The following EYS variants were observed in gnomAD, a reference collection of about 807,000 sequenced individuals.
EYS encodes EGF-like photoreceptor maintenance factor.
Under a neutral mutation model 282.1 loss-of-function variants are expected in EYS, and 250 were observed. The ratio of observed to expected loss-of-function variants is 0.89; its 90% CI spans 0.80 to 0.98. EYS has a LOEUF of 0.98. Among genes scored for constraint, EYS ranks in the 50% least tolerant of loss-of-function variants. The probability of loss-of-function intolerance (pLI) is 0.00; values close to 1 mark genes in which losing one functional copy is unlikely to be tolerated. For synonymous variants in EYS, 1,355 were observed against 1,282.9 expected (o/e 1.06, Z -1.20); for missense variants, 4,016 against 3,709.0 (o/e 1.08, Z -2.15).
chr6:65,610,885 G>A (rs1314393839), intron 2 of EYS, among the ~76,000 whole-genome samples: 5 of 151,950 alleles, frequency 3.3e-5, no homozygotes, highest in African/African-American at 4.8e-5. Flanking sequence ...AGTAGTCATA[G>A]GACTCAATAA....
intron 22 of EYS, among the ~76,000 whole-genome samples, chr6:64,729,715 CT>C (rs1309797628): frequency 5.9e-5 from 9 of 151,908 alleles, no homozygotes; most frequent in Non-Finnish European, 1.3e-4. Flanking sequence ...ACCGCAATAA[CT>C]TTTGCACCAA....
chr6:65,275,049 G>A (rs1283721808), intron 12 of EYS, among the ~76,000 whole-genome samples: 1 of 152,162 alleles, frequency 6.6e-6, no homozygotes, highest in African/African-American at 2.4e-5. Flanking sequence ...TAATAAGGGA[G>A]GGTTTTAGGG....
At chr6:64,553,558 C>A (rs945642360) in intron 26 of EYS, among the ~76,000 whole-genome samples, 3 of 131,950 alleles carry the variant, frequency 2.3e-5, no homozygotes, top group Non-Finnish European at 4.8e-5. Flanking sequence ...CCCCCCCCCC[C>A]ATAGGCAGTT....
intron 29 of EYS, among the ~76,000 whole-genome samples, chr6:64,324,166 A>G (rs1770322137): frequency 6.6e-6 from 1 of 152,160 alleles, no homozygotes. Context: ...AAAATCTGGC[A>G]AAGACACGAC....
intron 30 of EYS, among the ~76,000 whole-genome samples, chr6:64,299,565 G>T (rs900083711): frequency 9.8e-5 from 15 of 152,310 alleles, no homozygotes; most frequent in South Asian, 2.1e-4. Flanking sequence ...TAAGTCATTG[G>T]TGCCTGCTTG....
intron 35 of EYS, among the ~76,000 whole-genome samples, chr6:63,884,741 A>T (rs1459773695): frequency 6.6e-6 from 1 of 152,204 alleles, no homozygotes; most frequent in East Asian, 1.9e-4. Flanking sequence ...ATATTTTTAC[A>T]TTGAAGTTAT....
intron 40 of EYS, among the ~76,000 whole-genome samples, chr6:63,767,377 G>C (rs1349391169): frequency 1.3e-5 from 2 of 152,050 alleles, no homozygotes; most frequent in Non-Finnish European, 2.9e-5. Flanking sequence ...AATAACTTCA[G>C]TAAAATTTCA....
At chr6:64,813,073 T>C (rs1270025368) in intron 22 of EYS, among the ~76,000 whole-genome samples, 2 of 151,656 alleles carry the variant, frequency 1.3e-5, no homozygotes, top group African/African-American at 4.8e-5. Context: ...TCATTTGGTA[T>C]AAAATATTTG....
chr6:64,701,268 C>A lies in EYS; in HGVS notation c.3444-75023G>T, dbSNP rs138673998. Among the ~76,000 whole-genome samples, 345 of 152,102 alleles carry A rather than the reference C, an allele frequency of 2.3e-3. 6 individuals carry two copies. The East Asian group carries it at 0.026, about 11-fold the overall frequency. On this transcript the variant is annotated intron_variant, in intron 22 of 42. Coordinates refer to ENST00000503581, the MANE Select transcript of EYS (RefSeq NM_001142800.2). ...TGTAAGACTTGAAGCCATAAAAATA[C>A]TAAAAGAAAACTTAAAAGAAATCTT...
intron 28 of EYS, among the ~76,000 whole-genome samples, chr6:64,398,650 GTCTATGATGTATGCACCTTTTT>G (rs1248005582): frequency 6.6e-6 from 1 of 151,788 alleles, no homozygotes; most frequent in Non-Finnish European, 1.5e-5. Flanking sequence ...GTGAAATCAT[GTCTATGATGTATGCACCTTTTT>G]TCTTCTTGAG....
chr6:65,474,041 G>A (rs1190153597), intron 5 of EYS, among the ~76,000 whole-genome samples: 2 of 151,950 alleles, frequency 1.3e-5, no homozygotes, highest in Non-Finnish European at 2.9e-5. Flanking sequence ...AAATACCGAT[G>A]ACAAGTTTTG....
chr6:63,905,890 G>A (rs1457555502), intron 35 of EYS, among the ~76,000 whole-genome samples: 2 of 152,010 alleles, frequency 1.3e-5, no homozygotes, highest in Admixed American at 1.3e-4. Flanking sequence ...TTCTTGTCTG[G>A]GTCAGCATCC....
At chr6:64,918,162 G>A (rs941907468) in intron 15 of EYS, among the ~76,000 whole-genome samples, 4 of 151,974 alleles carry the variant, frequency 2.6e-5, no homozygotes. Context: ...GGAAATAAAT[G>A]TGGAAAATCA....
At chr6:65,182,432 T>C (rs1455383667) in intron 12 of EYS, among the ~76,000 whole-genome samples, 1 of 151,636 alleles carries the variant, frequency 6.6e-6, no homozygotes, top group African/African-American at 2.4e-5. Flanking sequence ...ATAGTATATT[T>C]TTCTTAATGG....
rs796838860 is a variant in EYS at position 65,364,026 on chromosome 6, C to T, written c.1300-10409G>A. On this transcript the variant is annotated intron_variant, in intron 8 of 42. Transcript: ENST00000503581. ...ATAATTAATTTTTTCACCTGGTATT[C>T]CAAGTACTTCTTTGGTATTTTTTCA... Among the ~76,000 whole-genome samples the T allele has an allele frequency of 6.0e-5, 9 of 150,638 alleles. No individual in the cohort carries two copies. In the Admixed American group the frequency reaches 6.0e-4, roughly 10 times the overall value.
chr6:65,395,868 C>T (rs1416464398), intron 7 of EYS, among the ~76,000 whole-genome samples: 4 of 152,086 alleles, frequency 2.6e-5, no homozygotes, highest in African/African-American at 7.2e-5. Context: ...TTTCTCTCAA[C>T]CCCAATTGCC....
chr6:65,402,029 C>T (rs573613775), intron 7 of EYS, among the ~76,000 whole-genome samples: 10 of 151,890 alleles, frequency 6.6e-5, no homozygotes, highest in African/African-American at 2.4e-4. Context: ...AGAATGAATT[C>T]CTAAAAGTCT....
intron 26 of EYS, among the ~76,000 whole-genome samples, chr6:64,460,802 C>T (rs997038759): frequency 3.0e-4 from 46 of 152,054 alleles, no homozygotes; most frequent in Admixed American, 3.0e-3. Flanking sequence ...TACCTTATTT[C>T]TAGCAATTAG....
chr6:65,453,527 GA>G (rs1331619039), intron 5 of EYS, among the ~76,000 whole-genome samples: 1 of 151,928 alleles, frequency 6.6e-6, no homozygotes, highest in Non-Finnish European at 1.5e-5. Context: ...TCTTTGTGAT[GA>G]GAACATTCAA....
Sources: allele counts gnomAD v4.1 joint callset (sites outside exome capture counted in the v4.1 genomes callset), GRCh38; gene constraint gnomAD v4.1.1; transcripts MANE v1.5; gene names NCBI Gene and HGNC (gene_info 2026-07-23, HGNC 2026-07-21).